Variants in FAM149B1 observed in about 807,000 individuals in gnomAD.
FAM149B1 encodes primary cilium assembly protein FAM149B1.
FAM149B1 carries 56 observed loss-of-function variants against 75.3 expected under a neutral mutation model. The ratio of observed to expected loss-of-function variants is 0.74; its 90% confidence interval spans 0.60 to 0.93. FAM149B1 has a LOEUF of 0.93. Ranked by LOEUF, FAM149B1 falls within the 40% of genes least tolerant of loss-of-function variation. FAM149B1 has a pLI of 0.00. For synonymous variants in FAM149B1, 259 were observed against 256.1 expected (o/e 1.01, Z -0.11); for missense variants, 639 against 708.4 (o/e 0.90, Z 1.11).
intron 3 of FAM149B1, among the ~76,000 whole-genome samples, chr10:73,184,954 G>C (rs1404636726): frequency 3.3e-5 from 5 of 152,136 alleles, no homozygotes; most frequent in African/African-American, 4.8e-5. Flanking sequence ...GTCAAAAGCT[G>C]TTTCTTTGAA....
chr10:73,171,956 C>T (rs1843737132), intron 1 of FAM149B1, among the ~76,000 whole-genome samples: 1 of 152,134 alleles, frequency 6.6e-6, no homozygotes, highest in Non-Finnish European at 1.5e-5. Context: ...CTTCTCTGCA[C>T]CTCTCTGTGA....
intron 5 of FAM149B1, among the ~76,000 whole-genome samples, chr10:73,203,552 A>G (rs888325179): frequency 6.6e-6 from 1 of 152,168 alleles, no homozygotes; most frequent in African/African-American, 2.4e-5. Context: ...TGAATATATC[A>G]CTATTTAAGG....
At chr10:73,233,420 G>T (rs754439161) in intron 10 of FAM149B1, among the ~76,000 whole-genome samples, 129 of 152,030 alleles carry the variant, frequency 8.5e-4, no homozygotes, top group Non-Finnish European at 1.6e-3. Context: ...GCTCACTGCA[G>T]CCTCAACTTC....
At chr10:73,215,327 G>GT (rs1007694837) in intron 7 of FAM149B1, among the ~76,000 whole-genome samples, 14 of 151,978 alleles carry the variant, frequency 9.2e-5, no homozygotes, top group Non-Finnish European at 1.5e-4. Flanking sequence ...GCTCGGCTTT[G>GT]TTTTTTTAGT....
Position 73,243,832 on chromosome 10 carries a change from G to A in FAM149B1, c.*2813G>A. The A allele has an allele frequency of 1.1e-5, 18 of 1,608,180 alleles. No homozygotes were observed. The highest frequency in any genetic ancestry group is 1.5e-5 in the Non-Finnish European group (18 of 1,177,332). ...ATCATTAAAGATGTGGCAACAAACT[G>A]CCAAGTTTACCTGAATGGCTGCCTT... On this transcript the variant is annotated 3_prime_UTR_variant, in exon 14 of 14. Coordinates refer to ENST00000242505, the MANE Select transcript of FAM149B1 (RefSeq NM_173348.2).
intron 1 of FAM149B1, among the ~76,000 whole-genome samples, chr10:73,169,906 A>T (rs1356351483): frequency 7.6e-6 from 1 of 131,448 alleles, no homozygotes; most frequent in Non-Finnish European, 1.6e-5. Context: ...CCAAATTCCA[A>T]TTTTTTTTCC....
chr10:73,175,497 G>A (rs748181429), intron 2 of FAM149B1, among the ~76,000 whole-genome samples: 1 of 151,704 alleles, frequency 6.6e-6, no homozygotes, highest in Non-Finnish European at 1.5e-5. Flanking sequence ...GTGAAACCCC[G>A]TCTCTACTAA....
intron 2 of FAM149B1, among the ~76,000 whole-genome samples, 173 bp from the exon 3 acceptor site, chr10:73,177,673 A>G (rs549304181): frequency 7.1e-6 from 1 of 140,524 alleles, no homozygotes; most frequent in East Asian, 1.9e-4. Flanking sequence ...TGTAGGAATT[A>G]GGACTTTTCC....
intron 12 of FAM149B1, 36 bp downstream of exon 12, chr10:73,235,354 T>A: frequency 6.5e-7 from 1 of 1,549,644 alleles, no homozygotes; most frequent in South Asian, 1.2e-5. Flanking sequence ...GTCTTGATAG[T>A]TGGGGAAAGA....
chr10:73,215,023 GT>G (rs906654075), intron 7 of FAM149B1, among the ~76,000 whole-genome samples: 2 of 151,516 alleles, frequency 1.3e-5, no homozygotes, highest in East Asian at 1.9e-4. Flanking sequence ...TCAGTTTTTG[GT>G]TTTTTTGGAA....
intron 3 of FAM149B1, 92 bp downstream of exon 3, chr10:73,178,067 C>A: frequency 8.0e-7 from 1 of 1,249,712 alleles, no homozygotes; most frequent in South Asian, 1.6e-5. Flanking sequence ...CACTCTCCTG[C>A]ATTGTTTCTT....
chr10:73,210,703 G>A (rs1336727101), intron 7 of FAM149B1, among the ~76,000 whole-genome samples: 1 of 151,950 alleles, frequency 6.6e-6, no homozygotes, highest in Non-Finnish European at 1.5e-5. Flanking sequence ...TTCACCTATA[G>A]TTCCAGCTAC....
intron 12 of FAM149B1, 150 bp downstream of exon 12, chr10:73,235,468 T>C: frequency 7.0e-7 from 1 of 1,436,598 alleles, no homozygotes; most frequent in South Asian, 1.5e-5. Context: ...ATAAATACAT[T>C]TTGTTCAAAT....
chr10:73,206,463 C>A (rs1265955743), intron 5 of FAM149B1, among the ~76,000 whole-genome samples: 1 of 152,178 alleles, frequency 6.6e-6, no homozygotes, highest in African/African-American at 2.4e-5. Context: ...GGAGCAACCA[C>A]TTGATAGAGA....
intron 5 of FAM149B1, among the ~76,000 whole-genome samples, chr10:73,204,707 A>T (rs1182031547): frequency 1.3e-5 from 2 of 151,206 alleles, no homozygotes; most frequent in African/African-American, 4.9e-5. Flanking sequence ...GCAATGATGG[A>T]GTTACTGAAA....
At chr10:73,237,339 G>C (rs2043843804) in intron 12 of FAM149B1, among the ~76,000 whole-genome samples, 1 of 152,126 alleles carries the variant, frequency 6.6e-6, no homozygotes, top group Non-Finnish European at 1.5e-5. Context: ...AACTTCTACT[G>C]AATTTGCCTT....
At chr10:73,226,534 C>G (rs968694351) in intron 7 of FAM149B1, among the ~76,000 whole-genome samples, 3 of 152,048 alleles carry the variant, frequency 2.0e-5, no homozygotes, top group Non-Finnish European at 4.4e-5. Context: ...TGTTGCCACA[C>G]GACCTGGGTT....
chr10:73,229,260 A>C (rs1194102968), intron 8 of FAM149B1, among the ~76,000 whole-genome samples: 2 of 152,082 alleles, frequency 1.3e-5, no homozygotes, highest in African/African-American at 2.4e-5. Context: ...GAAAAAAAAA[A>C]CCAGAGAAAG....
intron 3 of FAM149B1, among the ~76,000 whole-genome samples, chr10:73,182,019 GT>G (rs2042411090): frequency 6.6e-6 from 1 of 151,902 alleles, no homozygotes; most frequent in Non-Finnish European, 1.5e-5. Flanking sequence ...TCTTCTTATA[GT>G]TTCTGTCTTG....
Sources: gnomAD v4.1 joint callset for allele counts (sites outside exome capture counted in the v4.1 genomes callset) on GRCh38, gnomAD v4.1.1 for gene constraint, MANE v1.5 for transcripts, NCBI Gene and HGNC (gene_info 2026-07-23, HGNC 2026-07-21) for gene names.